The following ARMH4 variants were observed in gnomAD, a reference collection of about 807,000 sequenced individuals.
ARMH4 encodes the protein armadillo like helical domain containing 4, also known as armadillo-like helical domain-containing protein 4.
ARMH4 carries 49 observed loss-of-function variants against 61.9 expected under a neutral mutation model. That is an observed-to-expected ratio of 0.79 (90% CI 0.63 to 1.00). The LOEUF is 1.00. Among genes scored for constraint, ARMH4 ranks in the 50% least tolerant of loss-of-function variants. The probability of loss-of-function intolerance (pLI) is 0.00; values close to 1 mark genes in which losing one functional copy is unlikely to be tolerated. For missense variants in ARMH4, 934 were observed against 930.0 expected (o/e 1.00, Z -0.06); for synonymous variants, 368 against 341.5 (o/e 1.08, Z -0.85).
intron 4 of ARMH4, among the ~76,000 whole-genome samples, chr14:58,097,355 A>C (rs1385013527): frequency 2.6e-5 from 4 of 152,030 alleles, no homozygotes; most frequent in Admixed American, 6.5e-5. Context: ...AACAGAACTT[A>C]AAAGAAGCTG....
At chr14:58,042,371 G>C (rs1883754433) in intron 5 of ARMH4, among the ~76,000 whole-genome samples, 1 of 152,096 alleles carries the variant, frequency 6.6e-6, no homozygotes, top group South Asian at 2.1e-4. Flanking sequence ...ACGAAATGAA[G>C]GCAGAAATAA....
intron 1 of ARMH4, among the ~76,000 whole-genome samples, chr14:58,146,589 GT>G (rs1887737011): frequency 6.6e-6 from 1 of 152,224 alleles, no homozygotes; most frequent in Admixed American, 6.5e-5. Context: ...AAGATAAGCT[GT>G]TCTGTCAGGC....
intron 1 of ARMH4, among the ~76,000 whole-genome samples, chr14:58,144,703 T>C (rs1429404502): frequency 6.6e-6 from 1 of 151,918 alleles, no homozygotes; most frequent in Non-Finnish European, 1.5e-5. Flanking sequence ...CCGTCTCCAC[T>C]AAAAATACAA....
chr14:58,045,142 G>T (rs535602645), intron 5 of ARMH4, among the ~76,000 whole-genome samples: 75 of 152,258 alleles, frequency 4.9e-4, no homozygotes, highest in Admixed American at 1.1e-3. Context: ...AAATCATGCT[G>T]CTATAAAGAC....
At chr14:58,072,775 G>A (rs953336475) in intron 5 of ARMH4, among the ~76,000 whole-genome samples, 2 of 151,860 alleles carry the variant, frequency 1.3e-5, no homozygotes, top group Non-Finnish European at 2.9e-5. Context: ...TGACTGCAGC[G>A]ACACCTACTG....
chr14:58,131,694 T>C lies in ARMH4; in HGVS notation c.1649A>G (p.Asn550Ser). 1 of 1,613,280 alleles carries C rather than the reference T, an allele frequency of 6.2e-7. No individual in the cohort carries two copies. Among genetic ancestry groups the C allele is most frequent in the African/African-American group, 1.3e-5 (1 of 75,014 alleles). Residue 550 changes from asparagine (N) to serine (S), a missense_variant, in exon 4 of 8, where the codon AAT becomes AGT. By Grantham distance (46) the Asn-to-Ser change is conservative (BLOSUM62 1). Coordinates refer to ENST00000267485, the MANE Select transcript of ARMH4 (RefSeq NM_001001872.4). ...EEQMDTVTGPNEEFTPVLGSP... is the reference protein window; with the variant it reads ...EEQMDTVTGPSEEFTPVLGSP... ...TCCCAGAACTGGTGTGAACTCCTCA[T>C]TTGGCCCTGTGACTGTGTCCATTTG...
chr14:58,122,653 C>A (rs773810502), intron 4 of ARMH4, among the ~76,000 whole-genome samples: 1 of 152,058 alleles, frequency 6.6e-6, no homozygotes. Flanking sequence ...TAGTCATGGC[C>A]CTCAGGCAAG....
At chr14:58,014,002 C>T (rs1253079938) in intron 5 of ARMH4, among the ~76,000 whole-genome samples, 2 of 150,302 alleles carry the variant, frequency 1.3e-5, no homozygotes, top group African/African-American at 2.5e-5. Flanking sequence ...CCAGCCTGGG[C>T]AACAGAGTAA....
chr14:58,097,380 T>C (rs1051327743), intron 4 of ARMH4, among the ~76,000 whole-genome samples: 2 of 152,246 alleles, frequency 1.3e-5, no homozygotes, highest in African/African-American at 2.4e-5. Flanking sequence ...CATCCCTTTA[T>C]AGCTCATAAT....
At chr14:58,014,463 G>C (rs1233088624) in intron 5 of ARMH4, among the ~76,000 whole-genome samples, 1 of 152,152 alleles carries the variant, frequency 6.6e-6, no homozygotes, top group Non-Finnish European at 1.5e-5. Context: ...TCCTTATATA[G>C]AGAGATGGCA....
chr14:58,029,298 A>G (rs2141161207), intron 5 of ARMH4, among the ~76,000 whole-genome samples: 1 of 151,862 alleles, frequency 6.6e-6, no homozygotes, highest in South Asian at 2.1e-4. Context: ...CAATGGCGCA[A>G]TCTCGGCTCA....
chr14:58,131,827 C>T (rs1366904097), intron 3 of ARMH4, 106 bp from the exon 4 acceptor site: 3 of 1,053,864 alleles, frequency 2.8e-6, no homozygotes, highest in Non-Finnish European at 4.2e-6. Flanking sequence ...CAATATCATA[C>T]AATACAGCAA....
chr14:58,116,950 A>G (rs529847592), intron 4 of ARMH4, among the ~76,000 whole-genome samples: 171 of 152,246 alleles, frequency 1.1e-3, no homozygotes, highest in African/African-American at 3.8e-3. Flanking sequence ...CTAGAGTTCA[A>G]TACTTGCTCC....
chr14:58,091,477 T>C (rs1291358534), intron 5 of ARMH4, among the ~76,000 whole-genome samples: 1 of 152,198 alleles, frequency 6.6e-6, no homozygotes, highest in Non-Finnish European at 1.5e-5. Flanking sequence ...ATGTATTTCT[T>C]CATTCTATAA....
At chr14:58,040,354 C>T (rs1372459258) in intron 5 of ARMH4, among the ~76,000 whole-genome samples, 3 of 152,110 alleles carry the variant, frequency 2.0e-5, no homozygotes, top group African/African-American at 7.2e-5. Flanking sequence ...CTGTTGTTCC[C>T]CGCCATGTGT....
intron 5 of ARMH4, among the ~76,000 whole-genome samples, chr14:58,027,867 T>C (rs1383924572): frequency 6.6e-6 from 1 of 152,154 alleles, no homozygotes; most frequent in African/African-American, 2.4e-5. Flanking sequence ...ATCAAAAGCA[T>C]TACAGTTAAT....
At chr14:58,101,468 C>T (rs1594757308) in intron 4 of ARMH4, 1 of 152,170 alleles carries the variant, frequency 6.6e-6, no homozygotes, top group Non-Finnish European at 1.5e-5. Context: ...GTTGTGGGGA[C>T]TGAAAAGGAA....
chr14:58,138,997 G>C lies in ARMH4; in HGVS notation c.362C>G (p.Ser121Ter). Residue 121 changes from serine to a stop codon, truncating the protein, a stop_gained, in exon 2 of 8, where the codon TCA becomes TGA. Coordinates refer to ENST00000267485, the MANE Select transcript of ARMH4 (RefSeq NM_001001872.4). LOFTEE classifies it high-confidence loss of function. Reference sequence around the variant, plus strand: ...GCTGGAACCAAATACTTCTTCAGCTGAGGGGACACCTGACTCAGTAGGTGT... The same window carrying C: ...GCTGGAACCAAATACTTCTTCAGCTCAGGGGACACCTGACTCAGTAGGTGT... ...VSTPTESGVPSAEEVFGSSQP... is the reference protein window; with the variant it reads ...VSTPTESGVP The C allele has an allele frequency of 6.2e-7, 1 of 1,614,248 alleles. No individual in the cohort carries two copies. The highest frequency in any genetic ancestry group is 1.3e-5 in the African/African-American group (1 of 75,078).
At position 58,003,180 on chromosome 14, in the gene ARMH4, A is replaced by G. The variant is rs921733213; in HGVS notation, c.*1556T>C. 58 of 152,248 alleles carry G rather than the reference A, an allele frequency of 3.8e-4. No homozygotes were observed. Among genetic ancestry groups the G allele is most frequent in the African/African-American group, 1.4e-3 (57 of 41,562 alleles). 9.4% of individuals were successfully genotyped at this position (152,248 alleles called of 1,614,324 possible). A position where few individuals can be genotyped will look rare whatever the true frequency, so the allele number is the denominator to read the frequency against. On this transcript the variant is annotated 3_prime_UTR_variant, in exon 8 of 8. Transcript: ENST00000267485. ...AGCTATTCCCTGCTATTCCCTTAGAACCTTTGTTTTAAAGAAGGACCCTGA... is the reference window on the plus strand; with the variant it reads ...AGCTATTCCCTGCTATTCCCTTAGAGCCTTTGTTTTAAAGAAGGACCCTGA...
Sources: gnomAD v4.1 joint callset for allele counts (sites outside exome capture counted in the v4.1 genomes callset) on GRCh38, gnomAD v4.1.1 for gene constraint, MANE v1.5 for transcripts, NCBI Gene and HGNC (gene_info 2026-07-23, HGNC 2026-07-21) for gene names.